CRIM1: variants seen among roughly 807,000 people sequenced by gnomAD.
CRIM1 encodes cysteine rich transmembrane BMP regulator 1.
Under a neutral mutation model 116.4 loss-of-function variants are expected in CRIM1, and 32 were observed. The observed-to-expected ratio is 0.27, with a 90% CI of 0.21 to 0.37. CRIM1 has a LOEUF of 0.37. CRIM1 is among the 10% of genes least tolerant of loss of function. The pLI, the probability that CRIM1 is intolerant of heterozygous loss-of-function variation, is 1.00. For missense variants in CRIM1, 1,331 were observed against 1,354.8 expected (o/e 0.98, Z 0.28); for synonymous variants, 590 against 509.2 (o/e 1.16, Z -2.13).
In CRIM1 at chr2:36,401,555, C is replaced by T. The variant is rs538673895; in HGVS notation, c.505+4768C>T. Among the ~76,000 whole-genome samples the T allele has an allele frequency of 6.6e-5, 10 of 152,312 alleles. No homozygotes were observed. In the East Asian group the frequency reaches 9.7e-4, roughly 15 times the overall value. On this transcript the variant is annotated intron_variant, in intron 2 of 16. Coordinates refer to ENST00000280527, the MANE Select transcript of CRIM1 (RefSeq NM_016441.3). ...GCAGTAGTAAAAGCAGTGCCAGCCT[C>T]TATAGCGCCAGCCTCTGCAGCTGCC...
chr2:36,396,156 T>A (rs1291183244), intron 1 of CRIM1, among the ~76,000 whole-genome samples: 1 of 152,130 alleles, frequency 6.6e-6, no homozygotes, highest in East Asian at 1.9e-4. Context: ...GTAATCCCCG[T>A]GCCTTGGTCT....
chr2:36,521,389 A>G (rs1665379898), intron 12 of CRIM1, among the ~76,000 whole-genome samples: 1 of 152,200 alleles, frequency 6.6e-6, no homozygotes, highest in East Asian at 1.9e-4. Flanking sequence ...GTAGTCTGGT[A>G]CAATGAGAAT....
chr2:36,504,530 CAAAT>C (rs1458222810), intron 8 of CRIM1, among the ~76,000 whole-genome samples: 2 of 152,100 alleles, frequency 1.3e-5, no homozygotes, highest in Non-Finnish European at 1.5e-5. Context: ...TAATCGGTAA[CAAAT>C]AACATTCTTG....
intron 4 of CRIM1, among the ~76,000 whole-genome samples, chr2:36,447,876 T>G (rs78294007): frequency 6.6e-6 from 1 of 152,208 alleles, no homozygotes; most frequent in South Asian, 2.1e-4. Flanking sequence ...ACTCATGCCC[T>G]TCTGGCCCTG....
chr2:36,496,270 A>G (rs1008329813), intron 7 of CRIM1, among the ~76,000 whole-genome samples: 3 of 152,216 alleles, frequency 2.0e-5, no homozygotes, highest in African/African-American at 7.2e-5. Flanking sequence ...TTCTAGCTAT[A>G]TTTAACATAT....
At chr2:36,390,852 C>T (rs1214432755) in intron 1 of CRIM1, among the ~76,000 whole-genome samples, 3 of 152,062 alleles carry the variant, frequency 2.0e-5, no homozygotes, top group African/African-American at 7.2e-5. Context: ...CTCTGTCGCC[C>T]AGGCTCAAGT....
At chr2:36,499,510 T>G in intron 8 of CRIM1, 163 bp downstream of exon 8, 1 of 652,232 alleles carries the variant, frequency 1.5e-6, no homozygotes, top group Non-Finnish European at 2.5e-6. Context: ...TACATAGTCA[T>G]TTGGGAGAAA....
intron 1 of CRIM1, among the ~76,000 whole-genome samples, chr2:36,371,031 AG>A (rs1329043333): frequency 6.6e-6 from 1 of 152,200 alleles, no homozygotes; most frequent in Non-Finnish European, 1.5e-5. Flanking sequence ...TCAGAAAATT[AG>A]GAGATGTGGT....
intron 4 of CRIM1, among the ~76,000 whole-genome samples, chr2:36,457,768 A>G (rs1677257106): frequency 6.6e-6 from 1 of 152,150 alleles, no homozygotes; most frequent in Non-Finnish European, 1.5e-5. Context: ...AAAAAAAAAA[A>G]ACTTACACAT....
intron 1 of CRIM1, among the ~76,000 whole-genome samples, chr2:36,375,543 A>C (rs1670259366): frequency 6.6e-6 from 1 of 152,222 alleles, no homozygotes; most frequent in East Asian, 1.9e-4. Context: ...AGGAAGACAA[A>C]CATTTTGATT....
chr2:36,499,311 G>A lies in CRIM1; in HGVS notation c.1465G>A (p.Asp489Asn), dbSNP rs374553015. Residue 489 changes from aspartate (D) to asparagine (N), a missense_variant, in exon 8 of 17, where the codon GAT (aspartate) becomes AAT (asparagine). Transcript: ENST00000280527. ...GGACTGCATTAATGGTTTCAAACGC[G>A]ATCACAATGGTTGTCGGACCTGTCA... ...GKDCINGFKR[D>N]HNGCRTCQCI... 4.5e-5 allele frequency: 72 copies of A among 1,613,944 alleles called. No individual in the cohort carries two copies. The highest frequency in any genetic ancestry group is 3.3e-4 in the Middle Eastern group (2 of 6,082).
At chr2:36,508,557 C>T (rs1681589612) in intron 8 of CRIM1, among the ~76,000 whole-genome samples, 1 of 152,196 alleles carries the variant, frequency 6.6e-6, no homozygotes, top group South Asian at 2.1e-4. Flanking sequence ...CTTCCCATTT[C>T]ACCAGTCCAT....
At chr2:36,454,534 A>G (rs1275955216) in intron 4 of CRIM1, among the ~76,000 whole-genome samples, 2 of 152,202 alleles carry the variant, frequency 1.3e-5, no homozygotes, top group Non-Finnish European at 2.9e-5. Flanking sequence ...ACTTTTCTCT[A>G]GCTGCTCTTA....
At position 36,512,203 on chromosome 2, in the gene CRIM1, G is replaced by T; in HGVS notation, c.1659-70G>T. On this transcript the variant is annotated intron_variant, in intron 9 of 16. Transcript: ENST00000280527. Reference sequence around the variant, plus strand: ...TAGCAATATCACTTTATTGACCCTTGGTCTGAGTGCTTGGGCATCATTTGA... The same window carrying T: ...TAGCAATATCACTTTATTGACCCTTTGTCTGAGTGCTTGGGCATCATTTGA... The T allele has an allele frequency of 1.3e-6, 2 of 1,558,718 alleles. 1 individual carries two copies. The highest frequency in any genetic ancestry group is 3.4e-4 in the Middle Eastern group (2 of 5,882).
chr2:36,463,284 G>T (rs1262650431), intron 4 of CRIM1, among the ~76,000 whole-genome samples: 1 of 152,152 alleles, frequency 6.6e-6, no homozygotes, highest in Non-Finnish European at 1.5e-5. Context: ...AGTACTTGTG[G>T]ACTATAAGCA....
chr2:36,434,410 G>C (rs1250938961), intron 2 of CRIM1, among the ~76,000 whole-genome samples: 1 of 152,236 alleles, frequency 6.6e-6, no homozygotes, highest in Non-Finnish European at 1.5e-5. Flanking sequence ...GAGTAGGAAA[G>C]TTGAAGCTCT....
intron 1 of CRIM1, among the ~76,000 whole-genome samples, chr2:36,377,584 T>C (rs1670422995): frequency 6.6e-6 from 1 of 152,158 alleles, no homozygotes. Context: ...TTTTGGGTGG[T>C]TATAAGGAAT....
chr2:36,517,128 C>T (rs767055933), intron 11 of CRIM1, among the ~76,000 whole-genome samples, 199 bp from the exon 12 acceptor site: 1 of 152,172 alleles, frequency 6.6e-6, no homozygotes, highest in African/African-American at 2.4e-5. Context: ...TTGAACCTCA[C>T]GTCCTAATAT....
At position 36,451,634 on chromosome 2, in the gene CRIM1, C is replaced by T. The variant is rs142159563; in HGVS notation, c.869+8899C>T. Among the ~76,000 whole-genome samples, 8 of 152,250 alleles carry T rather than the reference C, an allele frequency of 5.3e-5. No homozygotes were observed. In the East Asian group the frequency reaches 7.7e-4, roughly 15 times the overall value. Reference sequence around the variant, plus strand: ...CTGTGTGCTCAAATGCTTATCCTTCCGTGGTAGAGCTTTCCAAAGTTTGTC... The same window carrying T: ...CTGTGTGCTCAAATGCTTATCCTTCTGTGGTAGAGCTTTCCAAAGTTTGTC... On this transcript the variant is annotated intron_variant, in intron 4 of 16. Coordinates refer to ENST00000280527, the MANE Select transcript of CRIM1 (RefSeq NM_016441.3).
Sources: allele counts gnomAD v4.1 joint callset (sites outside exome capture counted in the v4.1 genomes callset), GRCh38; gene constraint gnomAD v4.1.1; transcripts MANE v1.5; gene names NCBI Gene and HGNC (gene_info 2026-07-23, HGNC 2026-07-21).